The following MYH15 variants were observed in gnomAD, a reference collection of about 807,000 sequenced individuals.
MYH15 encodes the protein myosin-15.
A neutral mutation model predicts 240.5 loss-of-function variants in MYH15; 227 were observed. The ratio of observed to expected loss-of-function variants is 0.94; its 90% CI spans 0.85 to 1.05. MYH15 has a LOEUF of 1.05. Ranked by LOEUF, MYH15 falls within the 50% of genes least tolerant of loss-of-function variation. MYH15 has a pLI of 0.00. For synonymous variants in MYH15, 785 were observed against 796.7 expected, an observed-to-expected ratio of 0.99 and a Z score of 0.25; for missense variants, 2,217 against 2,247.5, an observed-to-expected ratio of 0.99 and a Z score of 0.27.
At chr3:108,510,285 C>A (rs1319255461) in intron 1 of MYH15, among the ~76,000 whole-genome samples, 158 bp downstream of exon 1, 1 of 152,176 alleles carries the variant, frequency 6.6e-6, no homozygotes, top group Non-Finnish European at 1.5e-5. Context: ...CCTGGATACT[C>A]AGAGGCCCTC....
intron 31 of MYH15, among the ~76,000 whole-genome samples, chr3:108,409,634 T>G (rs2082573473): frequency 6.6e-6 from 1 of 152,208 alleles, no homozygotes. Flanking sequence ...AGTAATGAAC[T>G]TGCTTCCAGG....
Position 108,428,588 on chromosome 3 carries a change from T to C in MYH15, c.3606A>G (p.Leu1202=). The C allele has an allele frequency of 1.2e-6, 2 of 1,614,044 alleles. No homozygotes were observed. The highest frequency in any genetic ancestry group is 1.7e-6 in the Non-Finnish European group (2 of 1,180,008). The part of the protein sequence containing the change: ...LAELEGQVEN[L]QQVKQKLEKD... ...TTTCCAGTTTCTGCTTGACCTGCTG[T>C]AGATTTTCTACCTGGCCCTCGAGCT... Residue 1202 remains leucine, a synonymous_variant, in exon 27 of 41, where the codon CTA becomes CTG. Coordinates refer to ENST00000693548, the MANE Select transcript of MYH15 (RefSeq NM_014981.3).
intron 4 of MYH15, among the ~76,000 whole-genome samples, chr3:108,499,740 T>C (rs1403734129): frequency 6.6e-6 from 1 of 152,184 alleles, no homozygotes; most frequent in African/African-American, 2.4e-5. Context: ...CAACTAATGA[T>C]TGAGATTCTT....
intron 4 of MYH15, 111 bp downstream of exon 4, chr3:108,500,007 A>G: frequency 1.7e-6 from 2 of 1,211,994 alleles, no homozygotes; most frequent in South Asian, 3.4e-5. Flanking sequence ...TCAAGTGATT[A>G]GCTAACTGTA....
chr3:108,383,872 T>A (rs2082363218), intron 39 of MYH15, 143 bp from the exon 40 acceptor site: 2 of 661,254 alleles, frequency 3.0e-6, no homozygotes, highest in African/African-American at 3.7e-5. Context: ...TATTTTGGTA[T>A]GATATATTAG....
intron 28 of MYH15, among the ~76,000 whole-genome samples, chr3:108,419,886 C>T (rs757999619): frequency 1.3e-5 from 2 of 151,762 alleles, no homozygotes; most frequent in Non-Finnish European, 2.9e-5. Context: ...TTTTCATTGA[C>T]CTAAGAATTC....
In MYH15 at chr3:108,448,898, G is replaced by A. The variant is rs115924246; in HGVS notation, c.2400-4003C>T. Reference sequence around the variant, plus strand: ...ACCACCAAAAAAACAGAATTAACACGCTTGTAAAGTTGCAGGATAAAAAAA... The same window carrying A: ...ACCACCAAAAAAACAGAATTAACACACTTGTAAAGTTGCAGGATAAAAAAA... On this transcript the variant is annotated intron_variant, in intron 21 of 40. Transcript: ENST00000693548. Among the ~76,000 whole-genome samples, 1,189 of 151,720 alleles carry A rather than the reference G, an allele frequency of 7.8e-3. 13 individuals are homozygous for A. Among genetic ancestry groups the A allele is most frequent in the African/African-American group, 0.027 (1,117 of 41,426 alleles).
the MYH15 span, chr3:108,543,584 TC>T: frequency 6.6e-6 from 1 of 152,272 alleles, no homozygotes; most frequent in East Asian, 1.9e-4. Flanking sequence ...TTCTAATGTC[TC>T]CTTGGATCCA....
chr3:108,538,802 T>C, the MYH15 span, among the ~76,000 whole-genome samples: 2 of 152,144 alleles, frequency 1.3e-5, no homozygotes, highest in Non-Finnish European at 2.9e-5. Context: ...GACTGGGTAA[T>C]TTATAAAGAA....
intron 25 of MYH15, among the ~76,000 whole-genome samples, chr3:108,432,756 A>C (rs946338954): frequency 2.4e-4 from 36 of 152,318 alleles, no homozygotes; most frequent in Middle Eastern, 3.4e-3. Context: ...GGCAACTTCC[A>C]CCTGGTATGG....
At chr3:108,415,974 C>A (rs1338003813) in intron 29 of MYH15, among the ~76,000 whole-genome samples, 3 of 152,096 alleles carry the variant, frequency 2.0e-5, no homozygotes, top group Non-Finnish European at 2.9e-5. Flanking sequence ...AGGTGTATGA[C>A]CTTGGACATG....
intron 1 of MYH15, among the ~76,000 whole-genome samples, chr3:108,523,254 CT>C (rs1421310502): frequency 6.6e-6 from 1 of 151,916 alleles, no homozygotes; most frequent in African/African-American, 2.4e-5. Flanking sequence ...TATTTTGCAA[CT>C]CTAAATTTTC....
rs1237958458 is a variant in MYH15, at chr3:108,470,710, A to G, written c.1371T>C (p.Phe457=). 2 of 1,613,732 alleles carry G rather than the reference A, an allele frequency of 1.2e-6. No individual in the cohort carries two copies. The change falls in exon 13 of 41, where the codon TTT becomes TTC. Residue 457 remains phenylalanine (F), a synonymous_variant. Transcript: ENST00000693548. ...CAGATACACTTACCTCAAGGATTTC[A>G]AAACCAGTGATGTCAAGAATGCCAA... is the stretch of plus-strand genomic sequence containing the variant. ...FFIGILDITG[F]EILEYNSLEQ... is the part of the protein sequence containing the mutation.
chr3:108,471,248 C>T (rs1429670389), intron 12 of MYH15, among the ~76,000 whole-genome samples: 2 of 152,004 alleles, frequency 1.3e-5, no homozygotes, highest in Admixed American at 1.3e-4. Flanking sequence ...CTAACTATCC[C>T]GGGGTATGGT....
chr3:108,474,145 A>T (rs2083200301), intron 12 of MYH15, among the ~76,000 whole-genome samples: 1 of 152,188 alleles, frequency 6.6e-6, no homozygotes. Context: ...CATCTTTTGC[A>T]ATTGTCATCA....
intron 38 of MYH15, among the ~76,000 whole-genome samples, chr3:108,386,092 T>A (rs1019511258): frequency 2.6e-5 from 4 of 152,242 alleles, no homozygotes; most frequent in African/African-American, 9.6e-5. Flanking sequence ...GTCAGGTTTA[T>A]AAAATTCAAA....
intron 40 of MYH15, among the ~76,000 whole-genome samples, chr3:108,383,314 T>C (rs921325877): frequency 6.6e-6 from 1 of 152,190 alleles, no homozygotes; most frequent in Non-Finnish European, 1.5e-5. Context: ...TTTACACTAA[T>C]GAATCCAGGC....
At chr3:108,456,010 A>T in intron 19 of MYH15, 151 bp from the exon 20 acceptor site, 1 of 796,366 alleles carries the variant, frequency 1.3e-6, no homozygotes, top group East Asian at 2.7e-5. Flanking sequence ...AACAATAATG[A>T]GGGTACAAGC....
intron 15 of MYH15, among the ~76,000 whole-genome samples, chr3:108,463,819 G>A (rs2083091401): frequency 3.3e-5 from 5 of 152,096 alleles, no homozygotes; most frequent in Admixed American, 1.3e-4. Flanking sequence ...GATAGGGGAA[G>A]AAGTAGAAGA....
Sources: allele counts gnomAD v4.1 joint callset (sites outside exome capture counted in the v4.1 genomes callset), GRCh38; gene constraint gnomAD v4.1.1; transcripts MANE v1.5; gene names NCBI Gene and HGNC (gene_info 2026-07-23, HGNC 2026-07-21).